The following TMTC1 variants were observed in gnomAD, a reference collection of about 807,000 sequenced individuals.
TMTC1 encodes transmembrane O-mannosyltransferase targeting cadherins 1.
Under a neutral mutation model 104.8 loss-of-function variants are expected in TMTC1, and 73 were observed. The ratio of observed to expected loss-of-function variants is 0.70; its 90% confidence interval spans 0.58 to 0.85. The LOEUF (loss-of-function observed/expected upper bound fraction) is 0.85, where lower values mean the gene tolerates loss of function less well. Among genes scored for constraint, TMTC1 ranks in the 40% least tolerant of loss-of-function variants. TMTC1 has a pLI of 0.00. For missense variants in TMTC1, 1,035 were observed against 1,096.1 expected, an observed-to-expected ratio of 0.94 and a Z score of 0.79; for synonymous variants, 434 against 428.7, an observed-to-expected ratio of 1.01 and a Z score of -0.15.
chr12:29,549,826 C>G (rs1222239893), intron 10 of TMTC1, among the ~76,000 whole-genome samples: 1 of 152,054 alleles, frequency 6.6e-6, no homozygotes, highest in Non-Finnish European at 1.5e-5. Flanking sequence ...CATAAAAGAC[C>G]ATAAGGAATG....
Position 29,755,714 on chromosome 12 carries a change from G to C in TMTC1, c.726C>G (p.Asp242Glu). The C allele has an allele frequency of 6.2e-7, 1 of 1,613,022 alleles. No individual in the cohort carries two copies. The change falls in exon 4 of 18, where the codon GAC becomes GAG. Residue 242 changes from aspartate (D) to glutamate (E), a missense_variant. Asp to Glu is a conservative substitution (Grantham distance 45). Transcript: ENST00000539277. ...AAAACTGTAAAATGACTTACGACTT[G>C]TCTTGCTTGTTGGAAAGGGAAAAGA... Reference protein sequence around the residue: ...YDLFSLSNKQDKSSNGALCPR... With the variant: ...YDLFSLSNKQEKSSNGALCPR...
chr12:29,604,068 T>C, intron 7 of TMTC1, 110 bp downstream of exon 7: 4 of 1,410,984 alleles, frequency 2.8e-6, no homozygotes, highest in Non-Finnish European at 3.9e-6. Context: ...ATAATATCCC[T>C]TGTCCCATGA....
chr12:29,643,282 C>A (rs1396828426), intron 5 of TMTC1, among the ~76,000 whole-genome samples: 2 of 151,306 alleles, frequency 1.3e-5, no homozygotes, highest in Non-Finnish European at 2.9e-5. Flanking sequence ...ATGCAGCAAT[C>A]CCACACTGGG....
At chr12:29,710,651 T>C (rs1166564863) in intron 5 of TMTC1, among the ~76,000 whole-genome samples, 3 of 142,350 alleles carry the variant, frequency 2.1e-5, no homozygotes, top group Admixed American at 1.4e-4. Flanking sequence ...TTATAATTTT[T>C]ATATTTATAT....
chr12:29,751,806 T>G lies in TMTC1; in HGVS notation c.798A>C (p.Pro266=), dbSNP rs746512337. Residue 266 remains proline (P), a synonymous_variant, in exon 5 of 18, where the codon CCA becomes CCC. Transcript: ENST00000539277. ...QPGSPQPSSL[P]GHPHRENGKQ... ...TCCCATTCTCCCGGTGAGGATGGCC[T>G]GGCAGTGAGGAGGGCTGGGGGCTCC... 1 of 1,611,514 alleles carries G rather than the reference T, an allele frequency of 6.2e-7. No homozygotes were observed. The highest frequency in any genetic ancestry group is 1.3e-5 in the African/African-American group (1 of 74,842).
chr12:29,700,234 T>C (rs188540533), intron 5 of TMTC1, among the ~76,000 whole-genome samples: 7 of 150,894 alleles, frequency 4.6e-5, no homozygotes, highest in Non-Finnish European at 7.4e-5. Context: ...TTTCTTTTTT[T>C]TTTTGTTTTT....
At chr12:29,748,172 C>T (rs1466257821) in intron 5 of TMTC1, among the ~76,000 whole-genome samples, 4 of 152,062 alleles carry the variant, frequency 2.6e-5, no homozygotes, top group Non-Finnish European at 5.9e-5. Context: ...AGTGAGAATC[C>T]GGCCCAATTC....
intron 5 of TMTC1, among the ~76,000 whole-genome samples, chr12:29,737,722 G>A (rs1288007201): frequency 1.3e-5 from 2 of 152,072 alleles, no homozygotes; most frequent in East Asian, 3.9e-4. Flanking sequence ...ATGGATGTGG[G>A]TTCACATCCT....
chr12:29,739,897 CAG>C (rs1016822621), intron 5 of TMTC1, among the ~76,000 whole-genome samples: 1 of 152,030 alleles, frequency 6.6e-6, no homozygotes, highest in Non-Finnish European at 1.5e-5. Flanking sequence ...TTAGTAGAGA[CAG>C]AGTTTCACCA....
chr12:29,619,110 C>T (rs1009767536), intron 6 of TMTC1, among the ~76,000 whole-genome samples: 1 of 152,116 alleles, frequency 6.6e-6, no homozygotes, highest in Admixed American at 6.6e-5. Context: ...TTAGTGATGT[C>T]TGATAACTTC....
At chr12:29,521,566 C>CTTT (rs3036151) in intron 11 of TMTC1, among the ~76,000 whole-genome samples, 3,492 of 89,550 alleles carry the variant, frequency 0.039, 175 homozygotes, top group African/African-American at 0.085. Flanking sequence ...TTCTTTCTTT[C>CTTT]TTTTTTTTTT....
At chr12:29,764,784 T>G (rs1943426439) in intron 2 of TMTC1, among the ~76,000 whole-genome samples, 1 of 152,180 alleles carries the variant, frequency 6.6e-6, no homozygotes, top group Admixed American at 6.5e-5. Context: ...TTCACTGTGT[T>G]ACTATGGATT....
intron 5 of TMTC1, among the ~76,000 whole-genome samples, chr12:29,746,445 G>A (rs1429274881): frequency 1.3e-5 from 2 of 152,266 alleles, no homozygotes; most frequent in Non-Finnish European, 2.9e-5. Context: ...AAGATGGTAC[G>A]AGGCTGTTAA....
chr12:29,725,727 C>A lies in TMTC1; in HGVS notation c.938+25939G>T, dbSNP rs138756838. Among the ~76,000 whole-genome samples, 146 of 152,242 alleles carry A rather than the reference C, an allele frequency of 9.6e-4. 1 individual carries two copies. In the East Asian group the frequency reaches 0.026, roughly 27 times the overall value. On this transcript the variant is annotated intron_variant, in intron 5 of 17. Coordinates refer to ENST00000539277, the MANE Select transcript of TMTC1 (RefSeq NM_001193451.2). ...GAAGTTTTTGACATTTCAGGAAAAA[C>A]GTTTATTTGATCTGCTATTTCACAA... is the stretch of plus-strand genomic sequence containing the variant.
chr12:29,544,242 CAAA>C (rs11316901), intron 10 of TMTC1, among the ~76,000 whole-genome samples: 2 of 119,188 alleles, frequency 1.7e-5, no homozygotes. Flanking sequence ...AACTCCATCT[CAAA>C]AAAAAAAAAA....
chr12:29,584,492 G>A (rs1055153699), intron 7 of TMTC1, among the ~76,000 whole-genome samples: 35 of 151,516 alleles, frequency 2.3e-4, no homozygotes, highest in African/African-American at 8.2e-4. Context: ...TGCACAATGT[G>A]CAGGTTTGTT....
At chr12:29,663,486 C>G (rs1940127883) in intron 5 of TMTC1, among the ~76,000 whole-genome samples, 1 of 152,048 alleles carries the variant, frequency 6.6e-6, no homozygotes, top group Admixed American at 6.6e-5. Flanking sequence ...GAACAACAAA[C>G]CACAAAGTTT....
intron 5 of TMTC1, among the ~76,000 whole-genome samples, chr12:29,728,448 G>C (rs1030389263): frequency 6.6e-6 from 1 of 152,120 alleles, no homozygotes. Context: ...GTGCAGGGTT[G>C]TACAAGCTCG....
At chr12:29,585,985 G>A (rs2136338322) in intron 7 of TMTC1, among the ~76,000 whole-genome samples, 1 of 152,244 alleles carries the variant, frequency 6.6e-6, no homozygotes, top group Middle Eastern at 3.4e-3. Flanking sequence ...GAAAGTCATT[G>A]GTAGCTTGAT....
Sources: gnomAD v4.1 joint callset for allele counts (sites outside exome capture counted in the v4.1 genomes callset) on GRCh38, gnomAD v4.1.1 for gene constraint, MANE v1.5 for transcripts, NCBI Gene and HGNC (gene_info 2026-07-23, HGNC 2026-07-21) for gene names.